INTS6: variants seen among roughly 807,000 people sequenced by gnomAD.
The protein encoded by INTS6 is integrator complex subunit 6, also known as DEAD box protein.
INTS6 carries 16 observed loss-of-function variants against 104.9 expected under a neutral mutation model. The ratio of observed to expected loss-of-function variants is 0.15; its 90% CI spans 0.10 to 0.23. INTS6 has a LOEUF of 0.23. Among genes scored for constraint, INTS6 ranks in the 10% least tolerant of loss-of-function variants. INTS6 has a pLI of 1.00. For synonymous variants in INTS6, 324 were observed against 358.7 expected (o/e 0.90, Z 1.09); for missense variants, 584 against 1,062.8 (o/e 0.55, Z 6.26).
At chr13:51,416,103 CAAAGGT>C (rs1481917477) in intron 4 of INTS6, among the ~76,000 whole-genome samples, 1 of 151,992 alleles carries the variant, frequency 6.6e-6, no homozygotes, top group Non-Finnish European at 1.5e-5. Context: ...ATCTTATTAA[CAAAGGT>C]AGAATCAAAA....
At chr13:51,347,129 C>A in the INTS6 span, 8 of 1,613,454 alleles carry the variant, frequency 5.0e-6, no homozygotes, top group Non-Finnish European at 6.8e-6. Context: ...AGGCACTTGG[C>A]GAAAGAGATT....
At chr13:51,435,331 G>C (rs1384397058) in intron 3 of INTS6, among the ~76,000 whole-genome samples, 1 of 151,724 alleles carries the variant, frequency 6.6e-6, no homozygotes, top group African/African-American at 2.4e-5. Flanking sequence ...TTACTAACAG[G>C]AGTCAATCTG....
Position 51,368,804 on chromosome 13 carries a change from T to TAG in INTS6, c.2476+134_2476+135insCT, listed in dbSNP as rs886449845. 9.2e-5 allele frequency: 82 copies of TAG among 895,782 alleles called. No individual in the cohort carries two copies. The African/African-American group carries it at 1.3e-3, about 14-fold the overall frequency. The allele number at this position is 895,782 out of a possible 1,614,324, so 55.5% of individuals were successfully genotyped here. On this transcript the variant is annotated intron_variant, in intron 16 of 17. Coordinates refer to ENST00000311234, the MANE Select transcript of INTS6 (RefSeq NM_012141.3). ...TGTTGGTCAGATGAATAAAGGATCT[T>TAG]AACTGAGATGTTGTTCAAGACAGAT... is the stretch of plus-strand genomic sequence containing the variant.
chr13:51,381,847 C>T (rs1435444908), intron 10 of INTS6, among the ~76,000 whole-genome samples, 182 bp downstream of exon 10: 1 of 151,838 alleles, frequency 6.6e-6, no homozygotes, highest in Admixed American at 6.6e-5. Context: ...GGATTACAGG[C>T]GCCCGCCACC....
At chr13:51,376,215 T>C (rs1239827221) in intron 12 of INTS6, 41 bp from the exon 13 acceptor site, 7 of 1,547,510 alleles carry the variant, frequency 4.5e-6, no homozygotes, top group South Asian at 3.7e-5. Flanking sequence ...TTGTCAAACA[T>C]AGAATTACAA....
chr13:51,361,226 G>A (rs545186042), downstream of INTS6: 59 of 1,168,824 alleles, frequency 5.0e-5, no homozygotes, highest in African/African-American at 8.0e-4. Flanking sequence ...TTCTAAATGT[G>A]TTAGAAAAAT....
At chr13:51,373,568 T>C (rs1293327737) in intron 15 of INTS6, among the ~76,000 whole-genome samples, 1 of 152,224 alleles carries the variant, frequency 6.6e-6, no homozygotes, top group African/African-American at 2.4e-5. Flanking sequence ...ACCCTTGCTA[T>C]ACTGGAATTT....
chr13:51,343,180 G>A, the INTS6 span, among the ~76,000 whole-genome samples: 1 of 152,178 alleles, frequency 6.6e-6, no homozygotes, highest in African/African-American at 2.4e-5. Context: ...TCATCCCAGT[G>A]AAAACCAGCC....
At chr13:51,382,459 A>T (rs1956070264) in intron 9 of INTS6, among the ~76,000 whole-genome samples, 1 of 152,252 alleles carries the variant, frequency 6.6e-6, no homozygotes, top group Admixed American at 6.5e-5. Context: ...TAATATTTTG[A>T]CTATAACTTT....
intron 4 of INTS6, 69 bp downstream of exon 4, chr13:51,430,225 A>G (rs139078176): frequency 2.3e-6 from 3 of 1,290,632 alleles, no homozygotes; most frequent in African/African-American, 2.9e-5. Context: ...AAAGGTGTTC[A>G]GTATCCTACA....
chr13:51,380,805 C>T (rs1426846705), intron 10 of INTS6, among the ~76,000 whole-genome samples: 2 of 152,136 alleles, frequency 1.3e-5, no homozygotes, highest in African/African-American at 4.8e-5. Flanking sequence ...TACTATGATA[C>T]ACTATTTTGA....
intron 3 of INTS6, among the ~76,000 whole-genome samples, chr13:51,432,697 A>C (rs993317823): frequency 6.6e-6 from 1 of 152,196 alleles, no homozygotes; most frequent in African/African-American, 2.4e-5. Context: ...CTTTACCTCA[A>C]TATAAATGTG....
At chr13:51,358,742 A>G (rs549274317), downstream of INTS6, among the ~76,000 whole-genome samples, 1 of 152,126 alleles carries the variant, frequency 6.6e-6, no homozygotes, top group East Asian at 1.9e-4. Flanking sequence ...GTAAAAACCC[A>G]TAGAAGATGT....
downstream of INTS6, among the ~76,000 whole-genome samples, chr13:51,351,851 G>T (rs1362618239): frequency 6.6e-6 from 1 of 151,892 alleles, no homozygotes; most frequent in Non-Finnish European, 1.5e-5. Context: ...TCATTCTTTT[G>T]TGTGTATCTA....
At chr13:51,373,326 A>C (rs1345493361) in intron 15 of INTS6, among the ~76,000 whole-genome samples, 1 of 152,112 alleles carries the variant, frequency 6.6e-6, no homozygotes, top group Non-Finnish European at 1.5e-5. Context: ...ATAATTGATA[A>C]GTCCATTAAT....
At chr13:51,412,319 A>G (rs984832505) in intron 4 of INTS6, among the ~76,000 whole-genome samples, 2 of 152,228 alleles carry the variant, frequency 1.3e-5, no homozygotes, top group African/African-American at 4.8e-5. Flanking sequence ...AAAGGGGACA[A>G]TAACAACAAC....
downstream of INTS6, among the ~76,000 whole-genome samples, chr13:51,357,630 A>G (rs1955500036): frequency 6.6e-6 from 1 of 151,948 alleles, no homozygotes. Context: ...GACTCATTCA[A>G]TATTATCTCA....
intron 4 of INTS6, among the ~76,000 whole-genome samples, chr13:51,397,194 T>G (rs1454444588): frequency 6.6e-6 from 1 of 152,168 alleles, no homozygotes; most frequent in Non-Finnish European, 1.5e-5. Context: ...TGATGGGGGT[T>G]GAAGTCATTC....
Position 51,452,399 on chromosome 13 carries a change from C to A in INTS6, c.111+16G>T. The A allele has an allele frequency of 1.9e-6, 3 of 1,560,104 alleles. No homozygotes were observed. Among genetic ancestry groups the A allele is most frequent in the Non-Finnish European group, 2.6e-6 (3 of 1,154,668 alleles). On this transcript the variant is annotated intron_variant, in intron 1 of 17. Transcript: ENST00000311234. The surrounding 1 kb of genome is among the most constrained non-coding windows in gnomAD (Gnocchi z 4.2). ...CGCCGGGCCGGGGTCGCCGCCCGGG[C>A]TCGGTCAGTCGGTACCTTCATGAAG...
Sources: allele counts gnomAD v4.1 joint callset (sites outside exome capture counted in the v4.1 genomes callset), GRCh38; gene constraint gnomAD v4.1.1; non-coding constraint Gnocchi (gnomAD v3.1); transcripts MANE v1.5; gene names NCBI Gene and HGNC (gene_info 2026-07-23, HGNC 2026-07-21).